Variants in PTPRG observed in about 807,000 individuals in gnomAD.
PTPRG encodes the protein receptor-type tyrosine-protein phosphatase gamma.
In PTPRG, 102 loss-of-function variants were observed where a neutral mutation model predicts 165.3. The ratio of observed to expected loss-of-function variants is 0.62; its 90% CI spans 0.53 to 0.73. The LOEUF (loss-of-function observed/expected upper bound fraction) is 0.73. Ranked by LOEUF, PTPRG falls within the 30% of genes least tolerant of loss-of-function variation. The probability of loss-of-function intolerance (pLI) is 0.00; values close to 1 mark genes in which losing one functional copy is unlikely to be tolerated. For missense variants in PTPRG, 1,866 were observed against 1,861.4 expected (o/e 1.00, Z -0.05); for synonymous variants, 675 against 669.5 (o/e 1.01, Z -0.13).
intron 5 of PTPRG, among the ~76,000 whole-genome samples, chr3:62,105,639 G>A (rs932956695): frequency 9.9e-5 from 15 of 152,174 alleles, no homozygotes; most frequent in African/African-American, 1.4e-4. Context: ...CTCTGGGTGC[G>A]TAAGAAATTA....
At chr3:61,665,955 A>G (rs1702801626) in intron 1 of PTPRG, among the ~76,000 whole-genome samples, 2 of 151,470 alleles carry the variant, frequency 1.3e-5, no homozygotes. Flanking sequence ...GGAAAGGATT[A>G]GAATTCTAGC....
At chr3:62,264,178 A>G (rs1189647534) in intron 17 of PTPRG, 6 of 150,236 alleles carry the variant, frequency 4.0e-5, no homozygotes, top group Admixed American at 6.6e-5. Context: ...AGTTAATGGG[A>G]TGTGGTGGCA....
At chr3:61,895,486 G>A (rs758907203) in intron 2 of PTPRG, among the ~76,000 whole-genome samples, 1 of 152,122 alleles carries the variant, frequency 6.6e-6, no homozygotes, top group Non-Finnish European at 1.5e-5. Flanking sequence ...CCAGGTTTCC[G>A]AGCTTGTAAA....
At chr3:61,632,258 G>A (rs9876138) in intron 1 of PTPRG, among the ~76,000 whole-genome samples, 1,637 of 152,222 alleles carry the variant, frequency 0.011, 32 homozygotes, top group African/African-American at 0.037. Context: ...GCAGTGAGCC[G>A]TGATTGTGCC....
At chr3:61,681,054 T>TAAAAAAAAAAAAAAAAAAAAA (rs61198100) in intron 1 of PTPRG, among the ~76,000 whole-genome samples, 5 of 66,098 alleles carry the variant, frequency 7.6e-5, no homozygotes, top group African/African-American at 2.7e-4. Flanking sequence ...CTTTATGTTC[T>TAAAAAAAAAAAAAAAAAAAAA]AAAAAAAAAA....
chr3:61,662,576 C>T (rs1366743245), intron 1 of PTPRG, among the ~76,000 whole-genome samples: 8 of 152,268 alleles, frequency 5.3e-5, no homozygotes, highest in South Asian at 4.1e-4. Flanking sequence ...GAAGCCATTA[C>T]GTTGTGGGAT....
At chr3:61,671,275 A>G (rs1288180890) in intron 1 of PTPRG, among the ~76,000 whole-genome samples, 2 of 151,642 alleles carry the variant, frequency 1.3e-5, no homozygotes, top group African/African-American at 2.4e-5. Flanking sequence ...TCCTAGGCAG[A>G]GGACCCTGCG....
intron 2 of PTPRG, among the ~76,000 whole-genome samples, chr3:61,815,149 C>A (rs1037309649): frequency 6.6e-6 from 1 of 151,372 alleles, no homozygotes; most frequent in African/African-American, 2.4e-5. Flanking sequence ...GTAACTGCAG[C>A]ACTTTGGGAG....
chr3:61,699,233 C>T lies in PTPRG; in HGVS notation c.86-49645C>T, dbSNP rs779887153. Among the ~76,000 whole-genome samples, 8 of 151,110 alleles carry T rather than the reference C, an allele frequency of 5.3e-5. 1 individual carries two copies. The highest frequency in any genetic ancestry group is 4.2e-4 in the South Asian group (2 of 4,740). ...TCGGGCGCGTTCAGGGTGGTATGGCCGTAGGAAAAAAAAAATTATTTTTCA... is the reference window on the plus strand; with the variant it reads ...TCGGGCGCGTTCAGGGTGGTATGGCTGTAGGAAAAAAAAAATTATTTTTCA... On this transcript the variant is annotated intron_variant, in intron 1 of 29. Transcript: ENST00000474889.
intron 2 of PTPRG, among the ~76,000 whole-genome samples, chr3:61,886,119 C>A (rs960927868): frequency 5.9e-5 from 9 of 152,004 alleles, no homozygotes; most frequent in Admixed American, 3.9e-4. Flanking sequence ...GAAAAGTTAT[C>A]CCACAGTTTA....
chr3:61,898,861 A>G (rs1469071117), intron 2 of PTPRG, among the ~76,000 whole-genome samples: 1 of 152,186 alleles, frequency 6.6e-6, no homozygotes, highest in Non-Finnish European at 1.5e-5. Context: ...TCTGGAAATA[A>G]GTAACATTGT....
intron 4 of PTPRG, among the ~76,000 whole-genome samples, chr3:62,036,643 T>C (rs1285337952): frequency 6.6e-6 from 1 of 152,206 alleles, no homozygotes; most frequent in African/African-American, 2.4e-5. Context: ...AATGGTACAC[T>C]TAGATATGCA....
chr3:61,661,157 C>T (rs1575571709), intron 1 of PTPRG, among the ~76,000 whole-genome samples: 1 of 151,932 alleles, frequency 6.6e-6, no homozygotes, highest in Admixed American at 6.6e-5. Flanking sequence ...ACTGCAGCCT[C>T]AAACTCCTGG....
intron 1 of PTPRG, among the ~76,000 whole-genome samples, chr3:61,696,684 G>C (rs1390398172): frequency 6.6e-6 from 1 of 152,216 alleles, no homozygotes; most frequent in Non-Finnish European, 1.5e-5. Context: ...CCGGATCTGA[G>C]AATTAGTCTT....
intron 2 of PTPRG, among the ~76,000 whole-genome samples, chr3:61,753,894 C>G (rs1393030688): frequency 6.6e-6 from 1 of 152,074 alleles, no homozygotes; most frequent in Non-Finnish European, 1.5e-5. Context: ...CCACACCCGG[C>G]CAGAGGCATT....
At chr3:62,041,714 G>A (rs186785032) in intron 4 of PTPRG, among the ~76,000 whole-genome samples, 1 of 152,242 alleles carries the variant, frequency 6.6e-6, no homozygotes, top group East Asian at 1.9e-4. Context: ...TCTATTAGAT[G>A]TCATATACCG....
At chr3:62,074,352 C>CTTTTTTTTTTTTTTTTTTTTTTTTTTTTT (rs200189646) in intron 4 of PTPRG, among the ~76,000 whole-genome samples, 1 of 109,114 alleles carries the variant, frequency 9.2e-6, no homozygotes, top group Non-Finnish European at 1.8e-5. Context: ...TCTTTTCTTT[C>CTTTTTTTTTTTTTTTTTTTTTTTTTTTTT]TTTTTTTTTT....
chr3:61,702,230 C>T (rs756219194), intron 1 of PTPRG, among the ~76,000 whole-genome samples: 4 of 152,104 alleles, frequency 2.6e-5, no homozygotes, highest in Non-Finnish European at 5.9e-5. Context: ...CTACCCACCT[C>T]GGCCTCCCAA....
chr3:62,002,803 C>A (rs568436436), intron 3 of PTPRG, among the ~76,000 whole-genome samples: 5 of 152,208 alleles, frequency 3.3e-5, no homozygotes, highest in Admixed American at 3.3e-4. Context: ...TAAATACAGA[C>A]TCCCAACTGT....
Sources: allele counts gnomAD v4.1 joint callset (sites outside exome capture counted in the v4.1 genomes callset), GRCh38; gene constraint gnomAD v4.1.1; transcripts MANE v1.5; gene names NCBI Gene and HGNC (gene_info 2026-07-23, HGNC 2026-07-21).